The following CNNM2 variants were observed in gnomAD, a reference collection of about 807,000 sequenced individuals.
CNNM2 encodes the protein cyclin and CBS domain divalent metal cation transport mediator 2, also known as metal transporter CNNM2.
CNNM2 carries 12 observed loss-of-function variants against 66.9 expected under a neutral mutation model. The observed-to-expected ratio is 0.18, with a 90% CI of 0.11 to 0.29. The LOEUF is 0.29. Among genes scored for constraint, CNNM2 ranks in the 10% least tolerant of loss-of-function variants. The probability of loss-of-function intolerance (pLI) is 1.00; values close to 1 mark genes in which losing one functional copy is unlikely to be tolerated. For synonymous variants in CNNM2, 557 were observed against 501.8 expected, an observed-to-expected ratio of 1.11 and a Z score of -1.47; for missense variants, 705 against 1,167.7, an observed-to-expected ratio of 0.60 and a Z score of 5.77.
rs114894497 is a variant in CNNM2 at position 102,976,855 on chromosome 10, C to T, written c.1621+56754C>T. 2.3e-3 allele frequency among the ~76,000 whole-genome samples: 350 copies of T among 151,932 alleles called. 4 individuals carry two copies. Among genetic ancestry groups the T allele is most frequent in the African/African-American group, 7.9e-3 (329 of 41,446 alleles). On this transcript the variant is annotated intron_variant, in intron 1 of 7. Coordinates refer to ENST00000369878, the MANE Select transcript of CNNM2 (RefSeq NM_017649.5). ...GTTTGGACTCTCAGGGTTGGATGTACGTTAAGGGTTTAATAAATGTTTGTT... is the reference window on the plus strand; with the variant it reads ...GTTTGGACTCTCAGGGTTGGATGTATGTTAAGGGTTTAATAAATGTTTGTT...
chr10:102,962,690 C>CTGTGTGTG (rs10580172), intron 1 of CNNM2, among the ~76,000 whole-genome samples: 4,154 of 143,834 alleles, frequency 0.029, 137 homozygotes, highest in Admixed American at 0.094. Flanking sequence ...ATATGATATA[C>CTGTGTGTG]TGTGTGTGTG....
At chr10:102,938,908 C>T (rs752318715) in intron 1 of CNNM2, among the ~76,000 whole-genome samples, 8 of 151,982 alleles carry the variant, frequency 5.3e-5, no homozygotes, top group Admixed American at 3.3e-4. Flanking sequence ...GAATGGACAG[C>T]GATAGATCTC....
intron 1 of CNNM2, among the ~76,000 whole-genome samples, chr10:103,020,996 A>G (rs1410825697): frequency 6.6e-6 from 1 of 152,236 alleles, no homozygotes; most frequent in Non-Finnish European, 1.5e-5. Flanking sequence ...AAGATTGAAA[A>G]TATAAAACAT....
At chr10:103,030,530 C>T (rs1400484834) in intron 1 of CNNM2, among the ~76,000 whole-genome samples, 2 of 152,156 alleles carry the variant, frequency 1.3e-5, no homozygotes, top group African/African-American at 4.8e-5. Context: ...GCCTGGCCAA[C>T]ACGGTGAAAC....
intron 1 of CNNM2, among the ~76,000 whole-genome samples, chr10:102,990,021 T>C (rs2063870710): frequency 6.6e-6 from 1 of 151,282 alleles, no homozygotes; most frequent in African/African-American, 2.4e-5. Context: ...CTCGTCTCAC[T>C]GCAACCTCTC....
chr10:102,953,943 A>G (rs868539524), intron 1 of CNNM2, among the ~76,000 whole-genome samples: 1 of 152,218 alleles, frequency 6.6e-6, no homozygotes, highest in East Asian at 1.9e-4. Flanking sequence ...GTGAAGCCCA[A>G]TGAGTAAATT....
rs1390594334 is a variant in CNNM2, at chr10:103,034,984, A to AT, written c.1622-14723_1622-14722insT. 9.0e-3 allele frequency among the ~76,000 whole-genome samples: 1,333 copies of AT among 147,642 alleles called. 36 individuals are homozygous for AT. Among genetic ancestry groups the AT allele is most frequent in the Non-Finnish European group, 0.015 (978 of 66,390 alleles). ...CGAGACTCCGTCTCAAAAAAAAAAA[A>AT]AAAAAATCTCCTACTATTGGCTGGG... On this transcript the variant is annotated intron_variant, in intron 1 of 7. Coordinates refer to ENST00000369878, the MANE Select transcript of CNNM2 (RefSeq NM_017649.5).
intron 6 of CNNM2, 140 bp from the exon 7 acceptor site, chr10:103,075,945 TG>T: frequency 1.3e-6 from 1 of 747,786 alleles, no homozygotes; most frequent in Non-Finnish European, 2.2e-6. Context: ...GGATACCCTC[TG>T]GCATACTGTG....
At chr10:102,988,204 A>G (rs902554377) in intron 1 of CNNM2, among the ~76,000 whole-genome samples, 7 of 152,134 alleles carry the variant, frequency 4.6e-5, no homozygotes, top group African/African-American at 1.7e-4. Context: ...TGGGAGGCTG[A>G]GGCAGGAGAA....
rs768303381 is a variant in CNNM2, at chr10:103,077,006, A to G, written c.2454A>G (p.Ala818=). ...SRQQYQNALM[A]SRMDKTPQSS... is the part of the protein sequence containing the mutation. ...AGCAATACCAAAATGCCTTGATGGC[A>G]TCCCGGATGGACAAAACCCCCCAGT... Residue 818 remains alanine (A), a synonymous_variant, in exon 8 of 8, where the codon GCA becomes GCG. Transcript: ENST00000369878. 4 of 1,613,968 alleles carry G rather than the reference A, an allele frequency of 2.5e-6. No individual in the cohort carries two copies. The South Asian group carries it at 3.3e-5, about 13-fold the overall frequency.
At chr10:102,975,831 A>C (rs893383158) in intron 1 of CNNM2, among the ~76,000 whole-genome samples, 2 of 152,100 alleles carry the variant, frequency 1.3e-5, no homozygotes, top group Non-Finnish European at 2.9e-5. Flanking sequence ...CTATGAGAAA[A>C]CTTAGGTGTA....
intron 1 of CNNM2, among the ~76,000 whole-genome samples, chr10:102,991,652 A>G (rs1370586855): frequency 6.6e-6 from 1 of 152,200 alleles, no homozygotes; most frequent in African/African-American, 2.4e-5. Context: ...GCCACTCTGA[A>G]CTAGCATAAG....
chr10:103,080,960 A>T lies in CNNM2; in HGVS notation c.*3780A>T, dbSNP rs1177190526. ...TCTGTCATCTGAAGGCCAGCCGGGGATCTGTAGCCATCCTCGCCTTGCCTA... is the reference window on the plus strand; with the variant it reads ...TCTGTCATCTGAAGGCCAGCCGGGGTTCTGTAGCCATCCTCGCCTTGCCTA... On this transcript the variant is annotated 3_prime_UTR_variant, in exon 8 of 8. Transcript: ENST00000369878. The T allele has an allele frequency of 1.3e-5, 2 of 152,170 alleles. No individual in the cohort carries two copies. The highest frequency in any genetic ancestry group is 2.9e-5 in the Non-Finnish European group (2 of 68,084). 9.4% of individuals were successfully genotyped at this position (152,170 alleles called of 1,614,324 possible).
chr10:103,082,808 AGT>A lies in CNNM2; in HGVS notation c.*5629_*5630del, dbSNP rs1449009770. The A allele has an allele frequency of 6.6e-6, 1 of 152,194 alleles. No homozygotes were observed. The highest frequency in any genetic ancestry group is 6.5e-5 in the Admixed American group (1 of 15,272). 9.4% of individuals were successfully genotyped at this position (152,194 alleles called of 1,614,324 possible). The stretch of plus-strand genomic sequence containing the variant: ...CCTACCTTGTGGGCAGGGCCTCTCA[AGT>A]ACCTCCATGAAATATTTCCAAGGTG... On this transcript the variant is annotated 3_prime_UTR_variant, in exon 8 of 8. Transcript: ENST00000369878.
intron 1 of CNNM2, among the ~76,000 whole-genome samples, chr10:102,991,275 G>A (rs918998321): frequency 6.6e-6 from 1 of 152,066 alleles, no homozygotes; most frequent in Non-Finnish European, 1.5e-5. Context: ...GATGTGACTC[G>A]CCGCACCAGG....
chr10:102,933,363 G>A (rs1418500394), intron 1 of CNNM2, among the ~76,000 whole-genome samples: 1 of 152,056 alleles, frequency 6.6e-6, no homozygotes, highest in Non-Finnish European at 1.5e-5. Flanking sequence ...TTATTCCTAA[G>A]TATTTTATTT....
chr10:102,929,679 CA>C (rs1228634960), intron 1 of CNNM2, among the ~76,000 whole-genome samples: 5 of 152,000 alleles, frequency 3.3e-5, no homozygotes, highest in Non-Finnish European at 7.4e-5. Flanking sequence ...AAAAAGACAA[CA>C]AGTCTTTTGA....
intron 1 of CNNM2, among the ~76,000 whole-genome samples, chr10:102,980,884 C>G (rs528742953): frequency 1.3e-5 from 2 of 152,234 alleles, no homozygotes; most frequent in Admixed American, 1.3e-4. Context: ...TCTTTGCTTA[C>G]TTTTCTTCAC....
chr10:102,931,878 T>C (rs1331690332), intron 1 of CNNM2, among the ~76,000 whole-genome samples: 2 of 151,214 alleles, frequency 1.3e-5, no homozygotes, highest in Non-Finnish European at 2.9e-5. Context: ...AATGCCATCC[T>C]AGTGAGAAGT....
Sources: gnomAD v4.1 joint callset for allele counts (sites outside exome capture counted in the v4.1 genomes callset) on GRCh38, gnomAD v4.1.1 for gene constraint, MANE v1.5 for transcripts, NCBI Gene and HGNC (gene_info 2026-07-23, HGNC 2026-07-21) for gene names.